Variants in FRMD4B observed in about 807,000 individuals in gnomAD.
The protein encoded by FRMD4B is FERM domain containing 4B.
A neutral mutation model predicts 141.5 loss-of-function variants in FRMD4B; 74 were observed. That is an observed-to-expected ratio of 0.52 (90% CI 0.43 to 0.63). FRMD4B has a LOEUF of 0.63. Among genes scored for constraint, FRMD4B ranks in the 30% least tolerant of loss-of-function variants. The pLI is 0.00. For synonymous variants in FRMD4B, 506 were observed against 467.9 expected (o/e 1.08, Z -1.05); for missense variants, 1,366 against 1,253.4 (o/e 1.09, Z -1.36).
chr3:69,340,994 A>T (rs1295200828), intron 1 of FRMD4B, among the ~76,000 whole-genome samples: 2 of 152,228 alleles, frequency 1.3e-5, no homozygotes, highest in Non-Finnish European at 1.5e-5. Context: ...TTGCATATAA[A>T]ATATAAAAAT....
intron 1 of FRMD4B, chr3:69,536,486 T>G: frequency 1.4e-6 from 1 of 690,016 alleles, no homozygotes; most frequent in Non-Finnish European, 2.7e-6. Flanking sequence ...ACCGCCAACG[T>G]GCCCTAGCGC....
chr3:69,256,654 TG>T (rs2093494939), intron 5 of FRMD4B, among the ~76,000 whole-genome samples: 1 of 152,104 alleles, frequency 6.6e-6, no homozygotes, highest in African/African-American at 2.4e-5. Context: ...AGGCTGGTGG[TG>T]GAGGAGCCAT....
At chr3:69,173,096 A>G (rs1429523883) in intron 22 of FRMD4B, among the ~76,000 whole-genome samples, 2 of 152,228 alleles carry the variant, frequency 1.3e-5, no homozygotes, top group Non-Finnish European at 2.9e-5. Flanking sequence ...ACTTCTGGAG[A>G]CACAACCATT....
At chr3:69,499,215 G>T (rs1033395026) in intron 1 of FRMD4B, among the ~76,000 whole-genome samples, 1 of 152,110 alleles carries the variant, frequency 6.6e-6, no homozygotes, top group Non-Finnish European at 1.5e-5. Flanking sequence ...GGGTGTAATT[G>T]GGGTCCAAGA....
Position 69,250,315 on chromosome 3 carries a change from G to GTGTT in FRMD4B, c.502-217_502-216insAACA, listed in dbSNP as rs2093455850. ...CGTGTGTGTGTGTGTGTGTGTGTGTGTGTCTATTTTAAATAGCTGTGGTGA... is the reference window on the plus strand; with the variant it reads ...CGTGTGTGTGTGTGTGTGTGTGTGTGTGTTTGTCTATTTTAAATAGCTGTGGTGA... On this transcript the variant is annotated intron_variant, in intron 5 of 22. Coordinates refer to ENST00000398540, the MANE Select transcript of FRMD4B (RefSeq NM_015123.3). The GTGTT allele has an allele frequency of 1.3e-5, 7 of 520,042 alleles. No homozygotes were observed. The South Asian group carries it at 1.6e-4, about 12-fold the overall frequency. The allele number at this position is 520,042 out of a possible 1,614,324, so 32.2% of individuals were successfully genotyped here.
At chr3:69,328,271 C>A (rs1234846180) in intron 1 of FRMD4B, among the ~76,000 whole-genome samples, 1 of 152,186 alleles carries the variant, frequency 6.6e-6, no homozygotes, top group Non-Finnish European at 1.5e-5. Flanking sequence ...TTACTATGAC[C>A]TTTGCTCTTG....
intron 1 of FRMD4B, among the ~76,000 whole-genome samples, chr3:69,528,244 GCCTC>G (rs1232386145): frequency 4.0e-5 from 6 of 150,354 alleles, no homozygotes; most frequent in East Asian, 3.9e-4. Context: ...CTCCCTCCCT[GCCTC>G]CCTCCCTCCC....
intron 1 of FRMD4B, among the ~76,000 whole-genome samples, chr3:69,455,475 A>C (rs986011518): frequency 6.6e-6 from 1 of 152,220 alleles, no homozygotes; most frequent in African/African-American, 2.4e-5. Context: ...CCACCTTGAG[A>C]GCTGTAAGGC....
At chr3:69,239,034 C>T (rs1214666252) in intron 7 of FRMD4B, among the ~76,000 whole-genome samples, 3 of 152,086 alleles carry the variant, frequency 2.0e-5, no homozygotes, top group East Asian at 1.9e-4. Context: ...TTTTTATTTG[C>T]TAAATCTGGC....
At chr3:69,293,375 G>A (rs1470736188) in intron 4 of FRMD4B, among the ~76,000 whole-genome samples, 1 of 151,738 alleles carries the variant, frequency 6.6e-6, no homozygotes, top group Non-Finnish European at 1.5e-5. Context: ...TAGCTGCTCC[G>A]CTCTCAGTGC....
chr3:69,409,200 G>C (rs745844023), intron 2 of FRMD4B, among the ~76,000 whole-genome samples: 9 of 152,132 alleles, frequency 5.9e-5, no homozygotes, highest in African/African-American at 2.2e-4. Flanking sequence ...GAATGCAAAA[G>C]GGAAGAAGGC....
At chr3:69,236,213 G>A (rs1417922073) in intron 7 of FRMD4B, among the ~76,000 whole-genome samples, 3 of 150,222 alleles carry the variant, frequency 2.0e-5, no homozygotes, top group Non-Finnish European at 4.4e-5. Context: ...TTTTATTGTT[G>A]TTGTTATTGT....
chr3:69,423,005 A>G (rs1212181476), intron 2 of FRMD4B, among the ~76,000 whole-genome samples: 1 of 152,202 alleles, frequency 6.6e-6, no homozygotes, highest in East Asian at 1.9e-4. Context: ...TAGTTAGCCA[A>G]TGTTGTTCAG....
intron 1 of FRMD4B, among the ~76,000 whole-genome samples, chr3:69,503,733 C>T (rs983829623): frequency 1.3e-5 from 2 of 152,172 alleles, no homozygotes; most frequent in African/African-American, 4.8e-5. Flanking sequence ...CATGCCCCAT[C>T]ATGCATGCTT....
intron 21 of FRMD4B, among the ~76,000 whole-genome samples, chr3:69,177,898 T>C (rs2092665377): frequency 6.6e-6 from 1 of 151,792 alleles, no homozygotes; most frequent in Non-Finnish European, 1.5e-5. Context: ...TTTTTTGTCT[T>C]AAAAAAAAGT....
intron 8 of FRMD4B, among the ~76,000 whole-genome samples, chr3:69,224,028 A>G (rs79493744): frequency 0.019 from 2,968 of 152,208 alleles, 102 homozygotes; most frequent in African/African-American, 0.069. Context: ...GGAAAGAAAA[A>G]CCATCTTGAG....
At chr3:69,532,851 G>A (rs571858090) in intron 1 of FRMD4B, among the ~76,000 whole-genome samples, 1 of 152,338 alleles carries the variant, frequency 6.6e-6, no homozygotes, top group African/African-American at 2.4e-5. Context: ...CACTGACACT[G>A]TCGGCTGTTA....
chr3:69,394,555 T>C (rs1206453765), intron 2 of FRMD4B, among the ~76,000 whole-genome samples: 1 of 152,192 alleles, frequency 6.6e-6, no homozygotes, highest in Non-Finnish European at 1.5e-5. Flanking sequence ...AGGAACACTT[T>C]TATACTGTTG....
chr3:69,215,223 A>G (rs2093127886), intron 11 of FRMD4B, among the ~76,000 whole-genome samples: 1 of 147,840 alleles, frequency 6.8e-6, no homozygotes, highest in Non-Finnish European at 1.5e-5. Context: ...GTAAAATTTT[A>G]AATGGACATT....
Sources: gnomAD v4.1 joint callset for allele counts (sites outside exome capture counted in the v4.1 genomes callset) on GRCh38, gnomAD v4.1.1 for gene constraint, MANE v1.5 for transcripts, NCBI Gene and HGNC (gene_info 2026-07-23, HGNC 2026-07-21) for gene names.